Variants in ANKRD11 observed in about 807,000 individuals in gnomAD.
The protein encoded by ANKRD11 is ankyrin repeat domain-containing protein 11.
A neutral mutation model predicts 195.7 loss-of-function variants in ANKRD11; 17 were observed. That is an observed-to-expected ratio of 0.09 (90% confidence interval 0.06 to 0.13). The LOEUF (loss-of-function observed/expected upper bound fraction) is 0.13. Ranked by LOEUF, ANKRD11 falls within the 10% of genes least tolerant of loss-of-function variation. The pLI is 1.00. For missense variants in ANKRD11, 3,735 were observed against 3,566.1 expected, an observed-to-expected ratio of 1.05 and a Z score of -1.21; for synonymous variants, 1,953 against 1,528.1, an observed-to-expected ratio of 1.28 and a Z score of -6.49.
At chr16:89,410,523 C>T (rs886740427) in intron 2 of ANKRD11, among the ~76,000 whole-genome samples, 1 of 152,148 alleles carries the variant, frequency 6.6e-6, no homozygotes, top group African/African-American at 2.4e-5. Flanking sequence ...AAGGGAAACA[C>T]CTGCCCCCGG....
At chr16:89,292,069 T>C (rs1468539365) in intron 4 of ANKRD11, among the ~76,000 whole-genome samples, 2 of 152,176 alleles carry the variant, frequency 1.3e-5, no homozygotes, top group Non-Finnish European at 2.9e-5. Flanking sequence ...TGAATCCTCC[T>C]CCAGCTGCCC....
At chr16:89,313,960 CTGGGTG>C (rs998812074) in intron 3 of ANKRD11, among the ~76,000 whole-genome samples, 38 of 152,338 alleles carry the variant, frequency 2.5e-4, no homozygotes, top group African/African-American at 8.9e-4. Flanking sequence ...ACAGGACAGG[CTGGGTG>C]TGGTAGTTCA....
intron 1 of ANKRD11, among the ~76,000 whole-genome samples, chr16:89,439,421 A>G: frequency 6.6e-6 from 1 of 152,230 alleles, no homozygotes; most frequent in African/African-American, 2.4e-5. Flanking sequence ...CAAAAATCCT[A>G]AGTCGAACCA....
chr16:89,360,828 T>C (rs2039696835), intron 2 of ANKRD11: 2 of 152,328 alleles, frequency 1.3e-5, no homozygotes, highest in African/African-American at 4.8e-5. Flanking sequence ...AGTAATCAGA[T>C]ACCTGGTCAG....
chr16:89,384,961 C>A (rs952244731), intron 2 of ANKRD11, among the ~76,000 whole-genome samples: 1 of 137,844 alleles, frequency 7.3e-6, no homozygotes, highest in Non-Finnish European at 1.5e-5. Flanking sequence ...TCTCAGCTCA[C>A]TGCAACCTCT....
chr16:89,362,432 A>G (rs1477869513), intron 2 of ANKRD11, among the ~76,000 whole-genome samples: 3 of 152,220 alleles, frequency 2.0e-5, no homozygotes, highest in Non-Finnish European at 4.4e-5. Context: ...TAAATTGCAC[A>G]GCTACAGAAT....
At position 89,279,509 on chromosome 16, in the gene ANKRD11, C is replaced by T. The variant is rs916069779; in HGVS notation, c.7033G>A (p.Ala2345Thr). The T allele has an allele frequency of 7.3e-6, 10 of 1,364,340 alleles. No homozygotes were observed. The highest frequency in any genetic ancestry group is 2.1e-5 in the Admixed American group (1 of 48,460). 84.5% of individuals were successfully genotyped at this position (1,364,340 alleles called of 1,614,324 possible). ...GGCGGGCCCTGCTTGCTCTGGTTCG[C>T]GAGCATCTGCGCCCGGTTCCTGGTC... ...RMTRNRAQML[A>T]NQSKQGPPPS... Residue 2345 changes from alanine to threonine, a missense_variant, in exon 9 of 13, where the codon GCG (alanine) becomes ACG (threonine). Ala to Thr is a moderately conservative substitution (Grantham distance 58). Coordinates refer to ENST00000301030, the MANE Select transcript of ANKRD11 (RefSeq NM_013275.6). The surrounding 1 kb of genome is among the most constrained non-coding windows in gnomAD (Gnocchi z 5.6).
intron 1 of ANKRD11, among the ~76,000 whole-genome samples, chr16:89,464,613 AAAAAAAAAAAG>A (rs1434267905): frequency 1.3e-5 from 2 of 151,482 alleles, no homozygotes; most frequent in African/African-American, 4.8e-5. Context: ...ATCTTAAAAA[AAAAAAAAAAAG>A]AAAAGAAAAG....
chr16:89,437,897 C>T (rs1217705316), intron 1 of ANKRD11, among the ~76,000 whole-genome samples: 1 of 152,156 alleles, frequency 6.6e-6, no homozygotes, highest in Non-Finnish European at 1.5e-5. Context: ...AAACTAGGCC[C>T]GGGGGCTGTG....
chr16:89,354,361 C>T (rs1313841830), intron 2 of ANKRD11, among the ~76,000 whole-genome samples: 1 of 151,628 alleles, frequency 6.6e-6, no homozygotes, highest in Non-Finnish European at 1.5e-5. Flanking sequence ...AATGATTTTA[C>T]TAACATTAGA....
chr16:89,311,098 T>C (rs560555655), intron 3 of ANKRD11, among the ~76,000 whole-genome samples: 5 of 152,358 alleles, frequency 3.3e-5, no homozygotes, highest in South Asian at 4.1e-4. Flanking sequence ...TTTTTTAAAA[T>C]AATGAATGTG....
Position 89,285,152 on chromosome 16 carries a change from C to G in ANKRD11, c.1390G>C (p.Gly464Arg). The G allele has an allele frequency of 1.2e-6, 2 of 1,613,480 alleles. No individual in the cohort carries two copies. The highest frequency in any genetic ancestry group is 1.7e-6 in the Non-Finnish European group (2 of 1,180,028). ...CGCTTTCCGAAGCGAACCTCTCTGCCTTTTGTTTCTTTCTTTCGCTTCTTT... is the reference window on the plus strand; with the variant it reads ...CGCTTTCCGAAGCGAACCTCTCTGCGTTTTGTTTCTTTCTTTCGCTTCTTT... ...VKKKRKKETK[G>R]REVRFGKRSD... is the part of the protein sequence containing the mutation. The change falls in exon 9 of 13, where the codon GGC (glycine) becomes CGC (arginine). Residue 464 changes from glycine (G) to arginine (R), a missense_variant. Gly to Arg is a moderately radical substitution (Grantham distance 125). Transcript: ENST00000301030. The surrounding 1 kb of genome is among the most constrained non-coding windows in gnomAD (Gnocchi z 5.6).
intron 3 of ANKRD11, chr16:89,313,620 G>T (rs1265474626): frequency 3.1e-6 from 4 of 1,285,692 alleles, no homozygotes; most frequent in Non-Finnish European, 4.1e-6. Context: ...ATAACATAAA[G>T]CTATATCTGG....
At chr16:89,389,311 C>T (rs566626665) in intron 2 of ANKRD11, among the ~76,000 whole-genome samples, 1 of 152,012 alleles carries the variant, frequency 6.6e-6, no homozygotes, top group East Asian at 1.9e-4. Flanking sequence ...AGGCGTGAGC[C>T]ACCACACCCG....
At chr16:89,361,262 C>T (rs947586675) in intron 2 of ANKRD11, among the ~76,000 whole-genome samples, 1 of 152,216 alleles carries the variant, frequency 6.6e-6, no homozygotes, top group Non-Finnish European at 1.5e-5. Context: ...CTGCCCCAAG[C>T]AGCAGGAAAC....
intron 2 of ANKRD11, among the ~76,000 whole-genome samples, chr16:89,396,671 C>T (rs574305406): frequency 5.9e-5 from 9 of 152,216 alleles, no homozygotes; most frequent in African/African-American, 2.2e-4. Flanking sequence ...AAATGCTCCT[C>T]TAATTGCTAT....
chr16:89,457,734 CTG>C (rs2056500579), intron 1 of ANKRD11, among the ~76,000 whole-genome samples: 1 of 152,090 alleles, frequency 6.6e-6, no homozygotes, highest in African/African-American at 2.4e-5. Flanking sequence ...ATGGAAATGT[CTG>C]TGTCAAGCTG....
chr16:89,353,802 T>G (rs932487023), intron 2 of ANKRD11, among the ~76,000 whole-genome samples: 1 of 152,154 alleles, frequency 6.6e-6, no homozygotes, highest in Non-Finnish European at 1.5e-5. Context: ...TTATGGAACA[T>G]AATGTTTTTC....
intron 2 of ANKRD11, among the ~76,000 whole-genome samples, chr16:89,356,481 A>G (rs1253197626): frequency 6.6e-6 from 1 of 152,032 alleles, no homozygotes; most frequent in Non-Finnish European, 1.5e-5. Context: ...TCTATAAAGA[A>G]TGTAACAGGG....
Sources: gnomAD v4.1 joint callset for allele counts (sites outside exome capture counted in the v4.1 genomes callset) on GRCh38, gnomAD v4.1.1 for gene constraint, Gnocchi (gnomAD v3.1) non-coding constraint, MANE v1.5 for transcripts, NCBI Gene and HGNC (gene_info 2026-07-23, HGNC 2026-07-21) for gene names.